KLHL25: variants seen among roughly 807,000 people sequenced by gnomAD.
The protein encoded by KLHL25 is kelch-like protein 25.
Under a neutral mutation model 30.0 loss-of-function variants are expected in KLHL25, and 41 were observed. The observed-to-expected ratio is 1.37, with a 90% CI of 1.07 to 1.78. The LOEUF is 1.78. Ranked by LOEUF, KLHL25 falls within the 40% of genes most tolerant of loss-of-function variation. The pLI is 0.00. For synonymous variants in KLHL25, 399 were observed against 355.3 expected, an observed-to-expected ratio of 1.12 and a Z score of -1.38; for missense variants, 971 against 824.5, an observed-to-expected ratio of 1.18 and a Z score of -2.18.
At chr15:85,770,480 C>G (rs1419163679) in intron 1 of KLHL25, 1 of 533,688 alleles carries the variant, frequency 1.9e-6, no homozygotes, top group Non-Finnish European at 3.8e-6. Flanking sequence ...AGACATCCCC[C>G]TTGCCTTGGA....
At chr15:85,762,785 A>G (rs1340609857) in intron 2 of KLHL25, 1 of 152,334 alleles carries the variant, frequency 6.6e-6, no homozygotes, top group African/African-American at 2.4e-5. Flanking sequence ...CAAGGCTGGC[A>G]GAAATCCTCA....
At chr15:85,766,239 C>T (rs1290019223) in intron 2 of KLHL25, among the ~76,000 whole-genome samples, 1 of 152,204 alleles carries the variant, frequency 6.6e-6, no homozygotes, top group Non-Finnish European at 1.5e-5. Context: ...CGGCTGGGCT[C>T]CCTCCGGCAG....
At chr15:85,763,583 G>C (rs1054948402) in intron 2 of KLHL25, 1 of 152,490 alleles carries the variant, frequency 6.6e-6, no homozygotes, top group Non-Finnish European at 1.5e-5. Context: ...AATGCTTGTG[G>C]ACAAACAGGG....
intron 2 of KLHL25, among the ~76,000 whole-genome samples, chr15:85,767,117 A>G (rs531103129): frequency 6.6e-6 from 1 of 152,012 alleles, no homozygotes; most frequent in African/African-American, 2.4e-5. Flanking sequence ...CAGCCTCCCA[A>G]GTAGCTGGGA....
chr15:85,786,944 C>A (rs776486226), intron 1 of KLHL25, among the ~76,000 whole-genome samples: 2 of 152,120 alleles, frequency 1.3e-5, no homozygotes, highest in African/African-American at 4.8e-5. Flanking sequence ...GATTAAAGGG[C>A]TTCATTTCAC....
chr15:85,772,437 C>T (rs2089682447), intron 1 of KLHL25, among the ~76,000 whole-genome samples: 3 of 152,366 alleles, frequency 2.0e-5, no homozygotes, highest in South Asian at 2.1e-4. Flanking sequence ...TTGGGCTGAA[C>T]GGCAGCTTGA....
rs1388859107 is a variant in KLHL25, at chr15:85,769,008, T to G, written c.803A>C (p.Glu268Ala). 1.2e-6 allele frequency: 2 copies of G among 1,611,476 alleles called. No homozygotes were observed. Among genetic ancestry groups the G allele is most frequent in the Non-Finnish European group, 1.7e-6 (2 of 1,179,534 alleles). Reference sequence around the variant, plus strand: ...GATCCTGGTCTTGCAGCGCAGGGCCTCATCCATGATAAGCTTGGTGCGCTC... The same window carrying G: ...GATCCTGGTCTTGCAGCGCAGGGCCGCATCCATGATAAGCTTGGTGCGCTC... ...ADERTKLIMD[E>A]ALRCKTRILQ... Residue 268 changes from glutamate (E) to alanine (A), a missense_variant, in exon 2 of 3, where the codon GAG (glutamate) becomes GCG (alanine). By Grantham distance (107) the Glu-to-Ala change is moderately radical (BLOSUM62 -1). Coordinates refer to ENST00000337975, the MANE Select transcript of KLHL25 (RefSeq NM_022480.4).
chr15:85,776,638 A>C (rs546550788), intron 1 of KLHL25, among the ~76,000 whole-genome samples: 15 of 152,198 alleles, frequency 9.9e-5, no homozygotes, highest in African/African-American at 3.6e-4. Flanking sequence ...TTGTGAAAAG[A>C]TCTGAGGCCG....
At chr15:85,767,361 A>C (rs1328907125) in intron 2 of KLHL25, among the ~76,000 whole-genome samples, 1 of 151,796 alleles carries the variant, frequency 6.6e-6, no homozygotes, top group African/African-American at 2.4e-5. Flanking sequence ...AGCCCTCCTA[A>C]AGTGCTGGGA....
At chr15:85,794,651 G>A (rs2089840604) in intron 1 of KLHL25, 115 bp downstream of exon 1, 1 of 152,102 alleles carries the variant, frequency 6.6e-6, no homozygotes. Context: ...AGTCCCGCGG[G>A]GGCTCCGAGC....
intron 1 of KLHL25, among the ~76,000 whole-genome samples, chr15:85,794,310 C>T (rs2089836924): frequency 6.6e-6 from 1 of 152,248 alleles, no homozygotes; most frequent in African/African-American, 2.4e-5. Flanking sequence ...GAACCCCGGG[C>T]CCTCGCTCTG....
At chr15:85,770,284 C>T (rs1351618283) in intron 1 of KLHL25, among the ~76,000 whole-genome samples, 4 of 152,218 alleles carry the variant, frequency 2.6e-5, no homozygotes, top group African/African-American at 7.2e-5. Context: ...TCAGAGAGGC[C>T]AAGAAACTAC....
intron 1 of KLHL25, among the ~76,000 whole-genome samples, chr15:85,790,337 C>T (rs770674710): frequency 6.6e-6 from 1 of 152,208 alleles, no homozygotes; most frequent in Non-Finnish European, 1.5e-5. Flanking sequence ...ATCCGCCCAC[C>T]TCGGCCTCCC....
At chr15:85,783,343 C>T (rs1369170061) in intron 1 of KLHL25, among the ~76,000 whole-genome samples, 3 of 151,962 alleles carry the variant, frequency 2.0e-5, no homozygotes, top group Non-Finnish European at 4.4e-5. Flanking sequence ...ATCCACCTGC[C>T]TTGGCCTCCC....
At chr15:85,767,382 G>A (rs114813281) in intron 2 of KLHL25, among the ~76,000 whole-genome samples, 5,169 of 152,010 alleles carry the variant, frequency 0.034, 272 homozygotes, top group African/African-American at 0.12. Flanking sequence ...TTATAGGCAT[G>A]AGCCACCATG....
rs1360023587 is a variant in KLHL25, at chr15:85,789,957, G to A, written c.-11+4809C>T. 1.3e-5 allele frequency among the ~76,000 whole-genome samples: 2 copies of A among 152,174 alleles called. No homozygotes were observed. The highest frequency in any genetic ancestry group is 2.9e-5 in the Non-Finnish European group (2 of 68,032). ...GGGAAAATCTGAATCGAGTCTTCAG[G>A]AAACTAGGAGCTTGCCTACGTCACC... On this transcript the variant is annotated intron_variant, in intron 1 of 2. Transcript: ENST00000337975. The surrounding 1 kb of genome is among the most constrained non-coding windows in gnomAD (Gnocchi z 4.1).
At chr15:85,782,147 A>AT (rs2089747755) in intron 1 of KLHL25, among the ~76,000 whole-genome samples, 1 of 152,140 alleles carries the variant, frequency 6.6e-6, no homozygotes, top group African/African-American at 2.4e-5. Flanking sequence ...TTTGCAGTTG[A>AT]TAATTCTCGG....
Position 85,768,833 on chromosome 15 carries a change from C to G in KLHL25, c.978G>C (p.Leu326=). The G allele has an allele frequency of 6.2e-7, 1 of 1,613,372 alleles. No homozygotes were observed. ...KAKEIIPKAD[L]PSPRKEFSAS... is the part of the protein sequence containing the mutation. ...CGCTGAACTCCTTCCGGGGGCTGGG[C>G]AGGTCGGCCTTGGGGATGATCTCCT... Residue 326 remains leucine (L), a synonymous_variant, in exon 2 of 3, where the codon CTG becomes CTC. Coordinates refer to ENST00000337975, the MANE Select transcript of KLHL25 (RefSeq NM_022480.4).
chr15:85,782,320 G>A (rs1216993767), intron 1 of KLHL25, among the ~76,000 whole-genome samples: 2 of 151,712 alleles, frequency 1.3e-5, no homozygotes, highest in East Asian at 1.9e-4. Context: ...CCAGTCTTGC[G>A]TCACCACTGC....
Sources: allele counts gnomAD v4.1 joint callset (sites outside exome capture counted in the v4.1 genomes callset), GRCh38; gene constraint gnomAD v4.1.1; non-coding constraint Gnocchi (gnomAD v3.1); transcripts MANE v1.5; gene names NCBI Gene and HGNC (gene_info 2026-07-23, HGNC 2026-07-21).